The following ZNF385D variants were observed in gnomAD, a reference collection of about 807,000 sequenced individuals.
The protein encoded by ZNF385D is zinc finger protein 385D.
Under a neutral mutation model 35.8 loss-of-function variants are expected in ZNF385D, and 15 were observed. That is an observed-to-expected ratio of 0.42 (90% CI 0.28 to 0.64). ZNF385D has a LOEUF of 0.64. Among genes scored for constraint, ZNF385D ranks in the 30% least tolerant of loss-of-function variants. The pLI is 0.23. For synonymous variants in ZNF385D, 212 were observed against 186.8 expected (o/e 1.13, Z -1.10); for missense variants, 474 against 494.6 (o/e 0.96, Z 0.39).
chr3:21,717,791 A>G (rs541324289), intron 1 of ZNF385D, among the ~76,000 whole-genome samples: 4 of 152,334 alleles, frequency 2.6e-5, no homozygotes, highest in South Asian at 2.1e-4. Context: ...ACCTTCTGCC[A>G]TGATTGTGAG....
chr3:21,978,306 A>G (rs1703764920), intron 3 of ZNF385D: 1 of 152,216 alleles, frequency 6.6e-6, no homozygotes, highest in Admixed American at 6.5e-5. Context: ...GTACTAAATC[A>G]ATGTTTGCTG....
In ZNF385D at chr3:21,979,676, G is replaced by C. The variant is rs142869939; in HGVS notation, c.325+189141C>G. On this transcript the variant is annotated intron_variant, in intron 3 of 5. Coordinates refer to the ZNF385D transcript ENST00000494108. ...TAAAGACGACTACTTTTCAGATATT[G>C]TATCTCAGCAGAGATGCTGAAAAAA... is the stretch of plus-strand genomic sequence containing the variant. 374 of 152,280 alleles carry C rather than the reference G, an allele frequency of 2.5e-3. 1 individual carries two copies. Among genetic ancestry groups the C allele is most frequent in the African/African-American group, 8.6e-3 (356 of 41,580 alleles). The allele number at this position is 152,280 out of a possible 1,614,324, so 9.4% of individuals were successfully genotyped here. A position where few individuals can be genotyped will look rare whatever the true frequency, so the allele number is the denominator to read the frequency against.
chr3:21,827,113 T>C (rs1559664631), intron 3 of ZNF385D, among the ~76,000 whole-genome samples: 2 of 152,182 alleles, frequency 1.3e-5, no homozygotes, highest in Non-Finnish European at 1.5e-5. Context: ...AAGATGAAAT[T>C]AGGTCATACA....
intron 2 of ZNF385D, among the ~76,000 whole-genome samples, chr3:21,583,963 T>C (rs1057154321): frequency 7.5e-6 from 1 of 133,146 alleles, no homozygotes; most frequent in African/African-American, 3.4e-5. Flanking sequence ...TATTTACTTA[T>C]TTATTTATTT....
chr3:21,918,427 G>A (rs908837550), intron 3 of ZNF385D, among the ~76,000 whole-genome samples: 44 of 146,868 alleles, frequency 3.0e-4, no homozygotes, highest in African/African-American at 9.8e-4. Context: ...TAAAAGTAGG[G>A]ACTTTTAAGT....
chr3:22,064,055 G>A (rs1366802466), intron 3 of ZNF385D, among the ~76,000 whole-genome samples: 1 of 152,130 alleles, frequency 6.6e-6, no homozygotes, highest in Non-Finnish European at 1.5e-5. Context: ...TTATTGTAGT[G>A]CACCTCATGC....
intron 3 of ZNF385D, among the ~76,000 whole-genome samples, chr3:21,962,055 G>C (rs1702625637): frequency 6.6e-6 from 1 of 152,108 alleles, no homozygotes; most frequent in Admixed American, 6.6e-5. Context: ...TGTAAAGCAA[G>C]GGTATTACCT....
At chr3:22,148,821 A>G (rs776070608) in intron 3 of ZNF385D, among the ~76,000 whole-genome samples, 3 of 152,154 alleles carry the variant, frequency 2.0e-5, no homozygotes, top group African/African-American at 7.2e-5. Context: ...TGCTTTTCAA[A>G]CTATTCTGTC....
At chr3:21,644,724 C>T (rs114066455) in intron 2 of ZNF385D, among the ~76,000 whole-genome samples, 2 of 151,950 alleles carry the variant, frequency 1.3e-5, no homozygotes, top group African/African-American at 2.4e-5. Flanking sequence ...ACATTAAGTT[C>T]GGTTTGAAGA....
chr3:22,183,566 C>A (rs1177530461), intron 2 of ZNF385D, among the ~76,000 whole-genome samples: 1 of 152,026 alleles, frequency 6.6e-6, no homozygotes. Flanking sequence ...CCATATTGGC[C>A]AGGCTAGTCT....
chr3:22,184,572 T>C (rs1441781538), intron 2 of ZNF385D, among the ~76,000 whole-genome samples: 3 of 152,036 alleles, frequency 2.0e-5, no homozygotes, highest in Non-Finnish European at 4.4e-5. Context: ...ATGCCTGTAA[T>C]CCCAGCACTT....
rs369049184 is a variant in ZNF385D at position 21,695,639 on chromosome 3, A to C, written c.23-30611T>G. Among the ~76,000 whole-genome samples, 54 of 152,274 alleles carry C rather than the reference A, an allele frequency of 3.5e-4. 1 individual carries two copies. Among genetic ancestry groups the C allele is most frequent in the African/African-American group, 1.2e-3 (51 of 41,550 alleles). ...CTTACCATGCTCTACAACACCATAG[A>C]GAAAATTTATCCTTGACCTCAGCCA... On this transcript the variant is annotated intron_variant, in intron 1 of 7. Transcript: ENST00000281523.
intron 3 of ZNF385D, among the ~76,000 whole-genome samples, chr3:21,783,584 G>C (rs1404073128): frequency 6.6e-6 from 1 of 152,028 alleles, no homozygotes; most frequent in Non-Finnish European, 1.5e-5. Context: ...TAATGTAATA[G>C]CACTGAGCCC....
chr3:21,713,963 C>A (rs532208614), intron 1 of ZNF385D, among the ~76,000 whole-genome samples: 1 of 152,172 alleles, frequency 6.6e-6, no homozygotes, highest in Non-Finnish European at 1.5e-5. Context: ...TTACCCTGTT[C>A]CTGATCTTTT....
At chr3:22,216,909 T>G (rs1697924438) in intron 2 of ZNF385D, among the ~76,000 whole-genome samples, 1 of 152,168 alleles carries the variant, frequency 6.6e-6, no homozygotes, top group Non-Finnish European at 1.5e-5. Flanking sequence ...GAAAGTCATA[T>G]GATGAAGATG....
chr3:21,496,549 TAC>T (rs1413140690), intron 4 of ZNF385D, among the ~76,000 whole-genome samples: 11 of 130,940 alleles, frequency 8.4e-5, no homozygotes, highest in Non-Finnish European at 9.3e-5. Flanking sequence ...CATATATATA[TAC>T]ACACATATAT....
chr3:21,760,979 T>C (rs1220535821), intron 3 of ZNF385D, among the ~76,000 whole-genome samples: 1 of 152,210 alleles, frequency 6.6e-6, no homozygotes, highest in East Asian at 1.9e-4. Flanking sequence ...GTGACTTTAA[T>C]GGTTAGGTCA....
rs114181676 is a variant in ZNF385D at position 22,308,996 on chromosome 3, G to A, written c.106+63454C>T. 4.1e-3 allele frequency among the ~76,000 whole-genome samples: 618 copies of A among 152,060 alleles called. 4 individuals are homozygous for A. Among genetic ancestry groups the A allele is most frequent in the African/African-American group, 0.014 (576 of 41,502 alleles). ...ACCTTGCTTCTGCAATAAAATAAGAGGCTATAAAGCTAATTTTTCCATTCT... is the reference window on the plus strand; with the variant it reads ...ACCTTGCTTCTGCAATAAAATAAGAAGCTATAAAGCTAATTTTTCCATTCT... On this transcript the variant is annotated intron_variant, in intron 2 of 5. Transcript: ENST00000494108.
At chr3:22,031,031 T>C (rs1697965569) in intron 3 of ZNF385D, among the ~76,000 whole-genome samples, 1 of 152,218 alleles carries the variant, frequency 6.6e-6, no homozygotes, top group South Asian at 2.1e-4. Context: ...TGATTCTATG[T>C]CTCATATCCA....
Sources: allele counts gnomAD v4.1 joint callset (sites outside exome capture counted in the v4.1 genomes callset), GRCh38; gene constraint gnomAD v4.1.1; transcripts MANE v1.5; gene names NCBI Gene and HGNC (gene_info 2026-07-23, HGNC 2026-07-21).